SGCZ: variants seen among roughly 807,000 people sequenced by gnomAD.
SGCZ encodes the protein sarcoglycan zeta, also known as zeta-sarcoglycan.
SGCZ carries 40 observed loss-of-function variants against 41.3 expected under a neutral mutation model. That is an observed-to-expected ratio of 0.97 (90% CI 0.75 to 1.26). The LOEUF is 1.26. Among genes scored for constraint, SGCZ ranks in the 50% most tolerant of loss-of-function variants. SGCZ has a pLI of 0.00. For synonymous variants in SGCZ, 206 were observed against 137.5 expected (o/e 1.50, Z -3.49); for missense variants, 552 against 369.8 (o/e 1.49, Z -4.04).
intron 1 of SGCZ, among the ~76,000 whole-genome samples, chr8:15,026,848 T>C (rs1011128786): frequency 6.6e-6 from 1 of 152,200 alleles, no homozygotes; most frequent in African/African-American, 2.4e-5. Context: ...TCTACAATTC[T>C]CTTTTTGAGG....
chr8:14,702,597 C>T (rs1435043788), intron 1 of SGCZ, among the ~76,000 whole-genome samples: 4 of 151,908 alleles, frequency 2.6e-5, no homozygotes. Flanking sequence ...CCACAACCAA[C>T]CCTCCCTTCA....
chr8:14,992,515 C>G lies in SGCZ; in HGVS notation c.39+245070G>C, dbSNP rs541126808. Among the ~76,000 whole-genome samples the G allele has an allele frequency of 3.3e-4, 49 of 149,808 alleles. 1 individual carries two copies. The South Asian group carries it at 0.01, about 32-fold the overall frequency. Reference sequence around the variant, plus strand: ...CCAGTGTTACCCTTGCTATTTACCTCTCACCCTCAACTATTCAACTCCAAA... The same window carrying G: ...CCAGTGTTACCCTTGCTATTTACCTGTCACCCTCAACTATTCAACTCCAAA... On this transcript the variant is annotated intron_variant, in intron 1 of 7. Coordinates refer to ENST00000382080, the MANE Select transcript of SGCZ (RefSeq NM_139167.4).
chr8:14,401,224 G>A (rs551599747), intron 2 of SGCZ, among the ~76,000 whole-genome samples: 1 of 151,930 alleles, frequency 6.6e-6, no homozygotes, highest in South Asian at 2.1e-4. Flanking sequence ...AAAACACATA[G>A]GTCATAATCA....
At position 14,089,209 on chromosome 8, in the gene SGCZ, C is replaced by T. The variant is rs1047365753; in HGVS notation, c.*1234G>A. On this transcript the variant is annotated 3_prime_UTR_variant, in exon 8 of 8. Transcript: ENST00000382080. ...TTTTGAGGTCAGGGTAGCCTAACAA[C>T]GATCTAATAAAAGTAAATATATGTT... Among the ~76,000 whole-genome samples the T allele has an allele frequency of 2.0e-5, 3 of 151,788 alleles. No homozygotes were observed. Among genetic ancestry groups the T allele is most frequent in the South Asian group, 2.1e-4 (1 of 4,828 alleles).
intron 1 of SGCZ, among the ~76,000 whole-genome samples, chr8:14,601,062 A>G (rs1267450806): frequency 6.7e-6 from 1 of 150,150 alleles, no homozygotes; most frequent in Non-Finnish European, 1.5e-5. Flanking sequence ...ATAAGTATAA[A>G]ATTATATAAA....
intron 1 of SGCZ, among the ~76,000 whole-genome samples, chr8:14,857,681 T>C (rs1371901286): frequency 2.6e-5 from 4 of 151,940 alleles, no homozygotes; most frequent in Non-Finnish European, 1.5e-5. Context: ...CTGGCCAACA[T>C]AGTGAAACCC....
intron 1 of SGCZ, among the ~76,000 whole-genome samples, chr8:14,707,013 T>C (rs1456330142): frequency 1.2e-4 from 18 of 151,572 alleles, no homozygotes; most frequent in African/African-American, 4.4e-4. Flanking sequence ...GGAGTGAAAG[T>C]TTATTTAAAA....
intron 1 of SGCZ, among the ~76,000 whole-genome samples, chr8:14,580,709 G>T (rs1804859663): frequency 6.6e-6 from 1 of 152,146 alleles, no homozygotes; most frequent in Non-Finnish European, 1.5e-5. Flanking sequence ...AAATAATTAT[G>T]GCTCATTCAT....
At chr8:15,019,727 A>G (rs1180377457) in intron 1 of SGCZ, among the ~76,000 whole-genome samples, 1 of 151,624 alleles carries the variant, frequency 6.6e-6, no homozygotes, top group Non-Finnish European at 1.5e-5. Context: ...CTCCAATCTG[A>G]CTGGCATCAG....
intron 1 of SGCZ, among the ~76,000 whole-genome samples, chr8:15,226,809 G>C (rs997708568): frequency 6.6e-6 from 1 of 151,436 alleles, no homozygotes; most frequent in African/African-American, 2.4e-5. Flanking sequence ...GTGAGGACTT[G>C]GTCTAGGGTT....
chr8:14,513,751 G>C (rs563491168), intron 2 of SGCZ, among the ~76,000 whole-genome samples: 1 of 152,048 alleles, frequency 6.6e-6, no homozygotes, highest in South Asian at 2.1e-4. Flanking sequence ...TTTTCTTCTT[G>C]TTTGGCAACG....
chr8:14,648,304 T>C (rs967265802), intron 1 of SGCZ, among the ~76,000 whole-genome samples: 3 of 152,130 alleles, frequency 2.0e-5, no homozygotes, highest in Non-Finnish European at 4.4e-5. Context: ...TTACCTCAAA[T>C]GTTTCATTCT....
intron 1 of SGCZ, among the ~76,000 whole-genome samples, chr8:15,177,166 C>T (rs6992257): frequency 0.25 from 38,662 of 152,050 alleles, 5,238 homozygotes; most frequent in East Asian, 0.44. Context: ...AAAATATCAG[C>T]CATAGTTGAA....
intron 3 of SGCZ, among the ~76,000 whole-genome samples, chr8:14,294,984 G>A (rs1800963261): frequency 6.6e-6 from 1 of 151,986 alleles, no homozygotes; most frequent in Non-Finnish European, 1.5e-5. Context: ...CAATCATTTT[G>A]GTAATGCAAA....
At chr8:14,465,325 T>A (rs1449102842) in intron 2 of SGCZ, among the ~76,000 whole-genome samples, 1 of 151,752 alleles carries the variant, frequency 6.6e-6, no homozygotes, top group Non-Finnish European at 1.5e-5. Context: ...AATGTCCTTT[T>A]CTTGTGGAAC....
chr8:14,796,355 G>T lies in SGCZ; in HGVS notation c.40-241429C>A, dbSNP rs562136380. On this transcript the variant is annotated intron_variant, in intron 1 of 7. Transcript: ENST00000382080. Reference sequence around the variant, plus strand: ...CTGGTATTGGAACTCCTGGCCTCAAGTGATCATTCCACCTTGGCGTCTCAA... The same window carrying T: ...CTGGTATTGGAACTCCTGGCCTCAATTGATCATTCCACCTTGGCGTCTCAA... Among the ~76,000 whole-genome samples, 11 of 152,158 alleles carry T rather than the reference G, an allele frequency of 7.2e-5. No homozygotes were observed. In the South Asian group the frequency reaches 2.3e-3, roughly 32 times the overall value.
chr8:14,722,167 T>C (rs1248110793), intron 1 of SGCZ, among the ~76,000 whole-genome samples: 1 of 152,210 alleles, frequency 6.6e-6, no homozygotes, highest in East Asian at 1.9e-4. Context: ...ATTTCATTTT[T>C]CTATTTTATT....
intron 2 of SGCZ, among the ~76,000 whole-genome samples, chr8:14,450,694 C>G (rs1363133107): frequency 1.3e-5 from 2 of 152,180 alleles, no homozygotes; most frequent in East Asian, 1.9e-4. Context: ...TTTAATTTAA[C>G]CTATTTTAAG....
At chr8:14,418,672 C>G (rs111524757) in intron 2 of SGCZ, among the ~76,000 whole-genome samples, 4,897 of 151,892 alleles carry the variant, frequency 0.032, 253 homozygotes, top group African/African-American at 0.11. Context: ...TATTTAGATA[C>G]TTTTATAGAA....
Sources: gnomAD v4.1 joint callset for allele counts (sites outside exome capture counted in the v4.1 genomes callset) on GRCh38, gnomAD v4.1.1 for gene constraint, MANE v1.5 for transcripts, NCBI Gene and HGNC (gene_info 2026-07-23, HGNC 2026-07-21) for gene names.